ADAMTS18: variants seen among roughly 807,000 people sequenced by gnomAD.
ADAMTS18 encodes ADAM metallopeptidase with thrombospondin type 1 motif 18, also known as A disintegrin and metalloproteinase with thrombospondin motifs 18.
A neutral mutation model predicts 165.9 loss-of-function variants in ADAMTS18; 157 were observed. That is an observed-to-expected ratio of 0.95 (90% confidence interval 0.83 to 1.08). The LOEUF (loss-of-function observed/expected upper bound fraction) is 1.08. Ranked by LOEUF, ADAMTS18 falls within the 50% of genes least tolerant of loss-of-function variation. ADAMTS18 has a pLI of 0.00. For missense variants in ADAMTS18, 2,040 were observed against 1,534.0 expected (o/e 1.33, Z -5.51); for synonymous variants, 782 against 578.2 (o/e 1.35, Z -5.06).
rs1307743867 is a variant in ADAMTS18 at position 77,355,056 on chromosome 16, T to G, written c.1460+884A>C. Among the ~76,000 whole-genome samples, 3 of 152,272 alleles carry G rather than the reference T, an allele frequency of 2.0e-5. No individual in the cohort carries two copies. In the South Asian group the frequency reaches 6.2e-4, roughly 32 times the overall value. On this transcript the variant is annotated intron_variant, in intron 9 of 22. Coordinates refer to ENST00000282849, the MANE Select transcript of ADAMTS18 (RefSeq NM_199355.4). ...ATAGATCTTACTAATTCTTTAAACA[T>G]TTGCAAATAATACACAGTGGTACAG...
intron 3 of ADAMTS18, among the ~76,000 whole-genome samples, chr16:77,382,743 A>G (rs1412675973): frequency 6.6e-6 from 1 of 152,210 alleles, no homozygotes; most frequent in Admixed American, 6.5e-5. Context: ...TGAATGACCA[A>G]GACGACAGCT....
intron 3 of ADAMTS18, among the ~76,000 whole-genome samples, chr16:77,376,105 G>T (rs2056948263): frequency 6.6e-6 from 1 of 151,896 alleles, no homozygotes; most frequent in African/African-American, 2.4e-5. Flanking sequence ...GTTTCTCCAT[G>T]TTGATCCGGC....
chr16:77,345,399 A>T (rs762453837), intron 10 of ADAMTS18, among the ~76,000 whole-genome samples: 28 of 152,158 alleles, frequency 1.8e-4, no homozygotes, highest in Non-Finnish European at 3.7e-4. Context: ...TTCACATTCT[A>T]TCAAGAAAAC....
At chr16:77,404,014 TC>T (rs2057363970) in intron 3 of ADAMTS18, among the ~76,000 whole-genome samples, 2 of 112,498 alleles carry the variant, frequency 1.8e-5, no homozygotes, top group African/African-American at 6.6e-5. Flanking sequence ...CCTCCCTCCC[TC>T]CCTCCCTCCC....
intron 10 of ADAMTS18, among the ~76,000 whole-genome samples, chr16:77,351,849 C>T (rs773397403): frequency 4.6e-5 from 7 of 152,140 alleles, no homozygotes; most frequent in Non-Finnish European, 7.3e-5. Flanking sequence ...ATCCCCCTGC[C>T]TCAGCCTCCC....
intron 22 of ADAMTS18, among the ~76,000 whole-genome samples, chr16:77,286,501 A>AAAAC (rs1363895478): frequency 3.5e-4 from 53 of 152,312 alleles, no homozygotes; most frequent in African/African-American, 1.1e-3. Flanking sequence ...TTTAATACTC[A>AAAAC]AAACAGTCTT....
intron 3 of ADAMTS18, among the ~76,000 whole-genome samples, chr16:77,428,063 A>T (rs2057695520): frequency 6.6e-6 from 1 of 152,196 alleles, no homozygotes; most frequent in African/African-American, 2.4e-5. Flanking sequence ...CCTAATATAC[A>T]CTGCATGCAC....
chr16:77,296,094 C>G (rs1026105550), intron 18 of ADAMTS18, among the ~76,000 whole-genome samples: 1 of 151,916 alleles, frequency 6.6e-6, no homozygotes, highest in African/African-American at 2.4e-5. Flanking sequence ...CACCACAAAC[C>G]AAACACTACT....
chr16:77,309,872 T>A (rs1188168231), intron 16 of ADAMTS18, among the ~76,000 whole-genome samples: 2 of 152,170 alleles, frequency 1.3e-5, no homozygotes, highest in African/African-American at 4.8e-5. Flanking sequence ...ACTTCCTAGG[T>A]GTAAGTTATT....
In ADAMTS18 at chr16:77,297,433, G is replaced by C; in HGVS notation, c.2675-18C>G. 1 of 1,606,762 alleles carries C rather than the reference G, an allele frequency of 6.2e-7. No homozygotes were observed. Among genetic ancestry groups the C allele is most frequent in the Non-Finnish European group, 8.5e-7 (1 of 1,173,432 alleles). Reference sequence around the variant, plus strand: ...TATGTAACCTGGTAAGACATCAGAAGTGACAAAGTGAAAATTACAGATTAT... The same window carrying C: ...TATGTAACCTGGTAAGACATCAGAACTGACAAAGTGAAAATTACAGATTAT... On this transcript the variant is annotated intron_variant, in intron 17 of 22. Coordinates refer to ENST00000282849, the MANE Select transcript of ADAMTS18 (RefSeq NM_199355.4).
intron 8 of ADAMTS18, 82 bp from the exon 9 acceptor site, chr16:77,356,159 T>C (rs760239201): frequency 6.3e-6 from 10 of 1,581,644 alleles, no homozygotes; most frequent in South Asian, 3.3e-5. Context: ...TAAAGATGTA[T>C]TGATCATCAA....
At chr16:77,417,809 C>G (rs1360430134) in intron 3 of ADAMTS18, among the ~76,000 whole-genome samples, 3 of 152,036 alleles carry the variant, frequency 2.0e-5, no homozygotes, top group Non-Finnish European at 4.4e-5. Flanking sequence ...ATAGAAAAAC[C>G]TAATACACCT....
intron 16 of ADAMTS18, among the ~76,000 whole-genome samples, chr16:77,301,982 T>C (rs2055592225): frequency 6.7e-6 from 1 of 149,910 alleles, no homozygotes; most frequent in African/African-American, 2.4e-5. Flanking sequence ...GTCTTTTATT[T>C]TGAAGATCTT....
rs560006721 is a variant in ADAMTS18, at chr16:77,297,387, C to G, written c.2703G>C (p.Leu901Phe). 11 of 1,613,580 alleles carry G rather than the reference C, an allele frequency of 6.8e-6. 1 individual carries two copies. In the South Asian group the frequency reaches 1.1e-4, roughly 16 times the overall value. Reference sequence around the variant, plus strand: ...AATTGACTTGAGTATTTTGATCTCGCAAGCAAATGGCCTTTACATTTATGT... The same window carrying G: ...AATTGACTTGAGTATTTTGATCTCGGAAGCAAATGGCCTTTACATTTATGT... ...GGYINVKAICLRDQNTQVNSS... is the reference protein window; with the variant it reads ...GGYINVKAICFRDQNTQVNSS... The change falls in exon 18 of 23, where the codon TTG becomes TTC. Residue 901 changes from leucine (L) to phenylalanine (F), a missense_variant. Transcript: ENST00000282849.
Position 77,431,275 on chromosome 16 carries a change from T to G in ADAMTS18, c.495+20A>C. 1 of 1,614,040 alleles carries G rather than the reference T, an allele frequency of 6.2e-7. No homozygotes were observed. Among genetic ancestry groups the G allele is most frequent in the Non-Finnish European group, 8.5e-7 (1 of 1,179,968 alleles). On this transcript the variant is annotated intron_variant, in intron 3 of 22. Coordinates refer to ENST00000282849, the MANE Select transcript of ADAMTS18 (RefSeq NM_199355.4). Reference sequence around the variant, plus strand: ...CAAAACACGAAAGAGGGAGCTCAACTCAGACTGGGGTGTACTTACCAAGCC... The same window carrying G: ...CAAAACACGAAAGAGGGAGCTCAACGCAGACTGGGGTGTACTTACCAAGCC...
At chr16:77,382,304 TG>T (rs1359532532) in intron 3 of ADAMTS18, among the ~76,000 whole-genome samples, 3 of 151,958 alleles carry the variant, frequency 2.0e-5, no homozygotes, top group Admixed American at 2.0e-4. Context: ...TCCGCTGCCC[TG>T]GTTCATGCCA....
intron 22 of ADAMTS18, among the ~76,000 whole-genome samples, chr16:77,285,353 A>C (rs1271607219): frequency 6.6e-6 from 1 of 151,760 alleles, no homozygotes; most frequent in East Asian, 1.9e-4. Context: ...TTGTATTTTT[A>C]GTAGAGATGG....
intron 20 of ADAMTS18, among the ~76,000 whole-genome samples, chr16:77,292,373 C>T (rs901797984): frequency 6.6e-6 from 1 of 152,106 alleles, no homozygotes; most frequent in South Asian, 2.1e-4. Context: ...TTTTTCCACC[C>T]CATCCCATGT....
chr16:77,364,287 C>T lies in ADAMTS18; in HGVS notation c.873G>A (p.Lys291=), dbSNP rs1287950579. The T allele has an allele frequency of 3.7e-6, 6 of 1,613,848 alleles. No homozygotes were observed. In the African/African-American group the frequency reaches 4.0e-5, roughly 11 times the overall value. Residue 291 remains lysine (K), a synonymous_variant, in exon 5 of 23, where the codon AAG becomes AAA. Coordinates refer to ENST00000282849, the MANE Select transcript of ADAMTS18 (RefSeq NM_199355.4). ...CCACGAGGGTTTCCACATTGAGGCC[C>T]TTTTGTGATTTTCCAGCTGATCTTC... ...RPRRSAGKSQ[K]GLNVETLVVA...
Sources: allele counts gnomAD v4.1 joint callset (sites outside exome capture counted in the v4.1 genomes callset), GRCh38; gene constraint gnomAD v4.1.1; transcripts MANE v1.5; gene names NCBI Gene and HGNC (gene_info 2026-07-23, HGNC 2026-07-21).